Variants in DDX47 observed in about 807,000 individuals in gnomAD.
DDX47 encodes the protein DEAD-box helicase 47.
A neutral mutation model predicts 58.8 loss-of-function variants in DDX47; 60 were observed. The ratio of observed to expected loss-of-function variants is 1.02; its 90% CI spans 0.83 to 1.26. DDX47 has a LOEUF of 1.26. Among genes scored for constraint, DDX47 ranks in the 50% most tolerant of loss-of-function variants. The probability of loss-of-function intolerance (pLI) is 0.00; values close to 1 mark genes in which losing one functional copy is unlikely to be tolerated. For synonymous variants in DDX47, 197 were observed against 204.6 expected, an observed-to-expected ratio of 0.96 and a Z score of 0.32; for missense variants, 530 against 573.2, an observed-to-expected ratio of 0.92 and a Z score of 0.77.
chr12:12,825,910 T>C, intron 9 of DDX47, 90 bp from the exon 10 acceptor site: 4 of 960,536 alleles, frequency 4.2e-6, no homozygotes, highest in South Asian at 3.9e-5. Flanking sequence ...CTATTTTCTT[T>C]CAAAGGTTTT....
chr12:12,814,047 C>A, intron 1 of DDX47, 84 bp from the exon 2 acceptor site: 1 of 845,096 alleles, frequency 1.2e-6, no homozygotes, highest in Non-Finnish European at 2.1e-6. Context: ...AATGGTTGTA[C>A]ATGATGGGTC....
At chr12:12,817,774 G>C (rs758744917) in intron 2 of DDX47, among the ~76,000 whole-genome samples, 2 of 152,136 alleles carry the variant, frequency 1.3e-5, no homozygotes, top group East Asian at 1.9e-4. Flanking sequence ...AGGAGATGAC[G>C]TAGAAAAATA....
rs774098537 is a variant in DDX47 at position 12,822,694 on chromosome 12, C to G, written c.595C>G (p.Arg199Gly). 4 of 1,613,976 alleles carry G rather than the reference C, an allele frequency of 2.5e-6. No homozygotes were observed. The Admixed American group carries it at 5.0e-5, about 20-fold the overall frequency. ...DKILKVIPRD[R>G]KTFLFSATMT... ...GATCCTCAAAGTGATTCCTCGAGAT[C>G]GGAAAACATTCCTCTTCTCTGCCAC... Residue 199 changes from arginine (R) to glycine (G), a missense_variant, in exon 6 of 12, where the codon CGG becomes GGG. Arg to Gly is a moderately radical substitution (Grantham distance 125, BLOSUM62 -2). Transcript: ENST00000358007.
Position 12,829,686 on chromosome 12 carries a change from C to T in DDX47, c.*132C>T. ...GAATGTGCTCAGCTAATTCAGTATT[C>T]TTCCCCATTCTGGGTTGGAGTTTAC... On this transcript the variant is annotated 3_prime_UTR_variant, in exon 12 of 12. Transcript: ENST00000358007. 2 of 1,163,248 alleles carry T rather than the reference C, an allele frequency of 1.7e-6. No individual in the cohort carries two copies. The highest frequency in any genetic ancestry group is 6.0e-5 in the Admixed American group (2 of 33,396). 72.1% of individuals were successfully genotyped at this position (1,163,248 alleles called of 1,614,324 possible).
At chr12:12,813,566 C>G in intron 1 of DDX47, 112 bp downstream of exon 1, 1 of 1,020,532 alleles carries the variant, frequency 9.8e-7, no homozygotes, top group Non-Finnish European at 1.5e-6. Flanking sequence ...TGGGGCCTAG[C>G]TTGGGTTTTC....
chr12:12,824,878 AAGGAGAGTTAT>A (rs1335628899), intron 9 of DDX47: 1 of 485,720 alleles, frequency 2.1e-6, no homozygotes, highest in African/African-American at 2.0e-5. Flanking sequence ...AGAGGTAGCC[AAGGAGAGTTAT>A]TAGATGCTCA....
intron 2 of DDX47, among the ~76,000 whole-genome samples, 184 bp from the exon 3 acceptor site, chr12:12,821,024 A>G (rs905031758): frequency 6.6e-6 from 1 of 152,092 alleles, no homozygotes. Context: ...TGTCTGTCTC[A>G]CCACTGGGTT....
At chr12:12,825,054 A>G in intron 9 of DDX47, 1 of 160,086 alleles carries the variant, frequency 6.2e-6, no homozygotes, top group Non-Finnish European at 1.4e-5. Context: ...GGCTCACTGC[A>G]TGCTCTGCCT....
chr12:12,814,279 C>T, intron 2 of DDX47, 55 bp downstream of exon 2: 6 of 1,114,016 alleles, frequency 5.4e-6, no homozygotes, highest in South Asian at 3.7e-5. Flanking sequence ...ATTAGATACC[C>T]CTTTTGAAAG....
At chr12:12,814,265 C>A (rs750820647) in intron 2 of DDX47, 41 bp downstream of exon 2, 2 of 1,251,196 alleles carry the variant, frequency 1.6e-6, no homozygotes, top group South Asian at 1.2e-5. Context: ...ATAAAGTTAT[C>A]TCAATTAGAT....
chr12:12,814,501 T>C (rs745775256), intron 2 of DDX47: 11 of 363,790 alleles, frequency 3.0e-5, no homozygotes, highest in Non-Finnish European at 5.7e-5. Context: ...GTAGACTTTA[T>C]GCATCAGTGG....
At chr12:12,825,939 T>C in intron 9 of DDX47, 61 bp from the exon 10 acceptor site, 2 of 1,311,618 alleles carry the variant, frequency 1.5e-6, no homozygotes, top group Middle Eastern at 2.0e-4. Flanking sequence ...ACTTTGCATA[T>C]GTAGTTTTTT....
chr12:12,829,590 A>G lies in DDX47; in HGVS notation c.*36A>G, dbSNP rs748363798. 4 of 1,603,706 alleles carry G rather than the reference A, an allele frequency of 2.5e-6. No individual in the cohort carries two copies. The highest frequency in any genetic ancestry group is 3.4e-6 in the Non-Finnish European group (4 of 1,175,984). On this transcript the variant is annotated 3_prime_UTR_variant, in exon 12 of 12. Transcript: ENST00000358007. ...GAAGGCTCGAGTTCTGCTGTTCTGT[A>G]AAAGAGAATTGGAGAATGAAACCTG...
At chr12:12,824,775 G>C in intron 9 of DDX47, 98 bp downstream of exon 9, 1 of 1,340,080 alleles carries the variant, frequency 7.5e-7, no homozygotes, top group Non-Finnish European at 1.0e-6. Context: ...TTTTGTTCCT[G>C]GTTAATTAAG....
At chr12:12,819,453 C>A (rs144183693) in intron 2 of DDX47, among the ~76,000 whole-genome samples, 1 of 151,454 alleles carries the variant, frequency 6.6e-6, no homozygotes, top group Non-Finnish European at 1.5e-5. Context: ...TAAGTCTCAT[C>A]GATTATTCTG....
At position 12,829,730 on chromosome 12, in the gene DDX47, G is replaced by A. The variant is rs983667684; in HGVS notation, c.*176G>A. The A allele has an allele frequency of 1.5e-6, 1 of 685,532 alleles. No individual in the cohort carries two copies. Among genetic ancestry groups the A allele is most frequent in the Non-Finnish European group, 2.3e-6 (1 of 431,280 alleles). The allele number at this position is 685,532 out of a possible 1,614,324, so 42.5% of individuals were successfully genotyped here. Reference sequence around the variant, plus strand: ...AGTTTACTGCAGAGTAATTCTTACAGTGCTGATGTCAAGACTGTTACTGTT... The same window carrying A: ...AGTTTACTGCAGAGTAATTCTTACAATGCTGATGTCAAGACTGTTACTGTT... On this transcript the variant is annotated 3_prime_UTR_variant, in exon 12 of 12. Transcript: ENST00000358007.
chr12:12,828,953 T>C (rs1158269121), intron 11 of DDX47, among the ~76,000 whole-genome samples: 2 of 152,268 alleles, frequency 1.3e-5, no homozygotes, highest in Non-Finnish European at 2.9e-5. Flanking sequence ...TTCCAGTTTC[T>C]TTCTACTTTG....
Position 12,827,281 on chromosome 12 carries a change from T to G in DDX47, c.1142T>G (p.Leu381Ter). The G allele has an allele frequency of 6.2e-7, 1 of 1,614,198 alleles. No homozygotes were observed. The highest frequency in any genetic ancestry group is 8.5e-7 in the Non-Finnish European group (1 of 1,180,038). The part of the protein sequence containing the change: ...DVELFQRIEH[L>*]IGKKLPGFPT... ...GAACTCTTCCAGCGCATAGAACACT[T>G]AATTGGGAAGAAACTACCAGGTTTT... The change falls in exon 11 of 12, where the codon TTA (leucine) becomes TGA (stop). Residue 381 changes from leucine to a stop codon, truncating the protein, a stop_gained. Coordinates refer to ENST00000358007, the MANE Select transcript of DDX47 (RefSeq NM_016355.4). LOFTEE classifies it high-confidence loss of function.
chr12:12,829,316 C>A, intron 11 of DDX47, 107 bp from the exon 12 acceptor site: 3 of 1,256,536 alleles, frequency 2.4e-6, no homozygotes, highest in Admixed American at 2.7e-5. Context: ...TAATGTCAGG[C>A]ATCAGCAAGT....
Sources: allele counts gnomAD v4.1 joint callset (sites outside exome capture counted in the v4.1 genomes callset), GRCh38; gene constraint gnomAD v4.1.1; transcripts MANE v1.5; gene names NCBI Gene and HGNC (gene_info 2026-07-23, HGNC 2026-07-21).